FREM1: variants seen among roughly 807,000 people sequenced by gnomAD.
FREM1 encodes the protein FRAS1-related extracellular matrix protein 1.
In FREM1, 220 loss-of-function variants were observed where a neutral mutation model predicts 210.1. The observed-to-expected ratio is 1.05, with a 90% confidence interval of 0.94 to 1.17. The LOEUF (loss-of-function observed/expected upper bound fraction) is 1.17, where lower values mean the gene tolerates loss of function less well. Among genes scored for constraint, FREM1 ranks in the 50% most tolerant of loss-of-function variants. The pLI is 0.00. For synonymous variants in FREM1, 1,189 were observed against 980.2 expected, an observed-to-expected ratio of 1.21 and a Z score of -3.98; for missense variants, 3,454 against 2,675.5, an observed-to-expected ratio of 1.29 and a Z score of -6.42.
chr9:14,747,591 G>GTA, intron 32 of FREM1, 90 bp downstream of exon 32: 1 of 1,019,468 alleles, frequency 9.8e-7, no homozygotes, highest in Non-Finnish European at 1.4e-6. Flanking sequence ...TAAGAGAAAT[G>GTA]TATAAATATA....
At chr9:14,851,165 G>A (rs1313841171) in intron 6 of FREM1, 119 bp downstream of exon 6, 12 of 756,954 alleles carry the variant, frequency 1.6e-5, no homozygotes, top group African/African-American at 7.0e-5. Context: ...CTGATTTACA[G>A]TGATTGATTC....
intron 6 of FREM1, among the ~76,000 whole-genome samples, chr9:14,850,871 T>G (rs1404902335): frequency 6.6e-6 from 1 of 152,220 alleles, no homozygotes; most frequent in African/African-American, 2.4e-5. Flanking sequence ...TCAGAAATAT[T>G]TGGTAGCTAG....
At chr9:14,766,566 G>A (rs1587819267) in intron 27 of FREM1, among the ~76,000 whole-genome samples, 1 of 152,126 alleles carries the variant, frequency 6.6e-6, no homozygotes, top group African/African-American at 2.4e-5. Context: ...ATTTCCTAAT[G>A]CTTTTTAGAG....
chr9:14,883,278 A>G (rs1269362951), intron 1 of FREM1, among the ~76,000 whole-genome samples: 1 of 152,244 alleles, frequency 6.6e-6, no homozygotes, highest in African/African-American at 2.4e-5. Context: ...GAAAAGTACA[A>G]GAGTAACAAT....
At chr9:14,888,555 T>C (rs1333051874) in intron 1 of FREM1, among the ~76,000 whole-genome samples, 1 of 152,218 alleles carries the variant, frequency 6.6e-6, no homozygotes, top group East Asian at 1.9e-4. Flanking sequence ...AGAGATACCC[T>C]GTCTACCAGC....
chr9:14,788,868 A>T, intron 23 of FREM1, 51 bp downstream of exon 23: 1 of 1,434,098 alleles, frequency 7.0e-7, no homozygotes, highest in Non-Finnish European at 9.6e-7. Flanking sequence ...TGGAATACTT[A>T]TACCAGTTAG....
chr9:14,743,121 G>A (rs796702069), intron 35 of FREM1, among the ~76,000 whole-genome samples: 1 of 152,100 alleles, frequency 6.6e-6, no homozygotes, highest in African/African-American at 2.4e-5. Context: ...TAGAACTACA[G>A]TCAGGCTAAT....
rs747949003 is a variant in FREM1 at position 14,868,992 on chromosome 9, A to G, written c.-15T>C. The G allele has an allele frequency of 5.9e-6, 9 of 1,520,600 alleles. No individual in the cohort carries two copies. The highest frequency in any genetic ancestry group is 7.1e-6 in the Non-Finnish European group (8 of 1,127,108). The allele number at this position is 1,520,600 out of a possible 1,614,324, so 94.2% of individuals were successfully genotyped here. On this transcript the variant is annotated 5_prime_UTR_variant, in exon 2 of 37. Transcript: ENST00000380880. The stretch of plus-strand genomic sequence containing the variant: ...AGAGAGTTCATGCTGACAGGGCCCA[A>G]CTCTTCTCTGTCCACCGGCGAAATC...
rs779492052 is a variant in FREM1 at position 14,812,925 on chromosome 9, A to C, written c.2780T>G (p.Met927Arg). ...TDVDSDNLKLMFVIAREPQHG... is the reference protein window; with the variant it reads ...TDVDSDNLKLRFVIAREPQHG... Reference sequence around the variant, plus strand: ...CTGAGGTTCGCGAGCAATCACAAACATCAACTTCAAGTTATCGCTGTCCAC... The same window carrying C: ...CTGAGGTTCGCGAGCAATCACAAACCTCAACTTCAAGTTATCGCTGTCCAC... Residue 927 changes from methionine (M) to arginine (R), a missense_variant, in exon 16 of 37, where the codon ATG (methionine) becomes AGG (arginine). Coordinates refer to ENST00000380880, the MANE Select transcript of FREM1 (RefSeq NM_001379081.2). 1.2e-6 allele frequency: 2 copies of C among 1,613,972 alleles called. No individual in the cohort carries two copies. Among genetic ancestry groups the C allele is most frequent in the East Asian group, 4.5e-5 (2 of 44,878 alleles).
chr9:14,740,533 T>C (rs572441336), intron 35 of FREM1, among the ~76,000 whole-genome samples: 11 of 152,330 alleles, frequency 7.2e-5, no homozygotes, highest in African/African-American at 2.6e-4. Context: ...AGCAACTGCC[T>C]ACTTATAACA....
At chr9:14,839,658 T>A (rs1209881652) in intron 10 of FREM1, among the ~76,000 whole-genome samples, 1 of 152,184 alleles carries the variant, frequency 6.6e-6, no homozygotes, top group Non-Finnish European at 1.5e-5. Flanking sequence ...TGCACTAAAG[T>A]TTTCATTACA....
At position 14,852,054 on chromosome 9, in the gene FREM1, T is replaced by C. The variant is rs569572431; in HGVS notation, c.829-447A>G. ...AAGAATTAAGTGAGGACAAATGAAA[T>C]AGCCAAAGTAGGCACTTAGCAATCT... On this transcript the variant is annotated intron_variant, in intron 5 of 36. Transcript: ENST00000380880. Among the ~76,000 whole-genome samples the C allele has an allele frequency of 1.3e-3, 205 of 152,270 alleles. 2 individuals carry two copies. Among genetic ancestry groups the C allele is most frequent in the Admixed American group, 3.9e-3 (59 of 15,290 alleles).
At chr9:14,891,107 T>C (rs1836749025) in intron 1 of FREM1, among the ~76,000 whole-genome samples, 1 of 152,230 alleles carries the variant, frequency 6.6e-6, no homozygotes, top group Non-Finnish European at 1.5e-5. Flanking sequence ...AAATTAATTT[T>C]CCTCTTCTTG....
Position 14,792,865 on chromosome 9 carries a change from T to G in FREM1, c.3859A>C (p.Asn1287His). ...GAAATAATACGAGTTTCACCCATATTCATTGCAATTTCAGCCTTCCTGTAA... is the reference window on the plus strand; with the variant it reads ...GAAATAATACGAGTTTCACCCATATGCATTGCAATTTCAGCCTTCCTGTAA... ...MLSKKAEIAM[N>H]MGETRIISSA... Residue 1287 changes from asparagine (N) to histidine (H), a missense_variant, in exon 22 of 37, where the codon AAT becomes CAT. Transcript: ENST00000380880. The G allele has an allele frequency of 5.0e-6, 8 of 1,584,864 alleles. No homozygotes were observed. The highest frequency in any genetic ancestry group is 6.9e-6 in the Non-Finnish European group (8 of 1,164,908).
At chr9:14,803,275 C>T (rs1158741347) in intron 19 of FREM1, among the ~76,000 whole-genome samples, 1 of 143,282 alleles carries the variant, frequency 7.0e-6, no homozygotes, top group Non-Finnish European at 1.5e-5. Flanking sequence ...CTTTCCCTCC[C>T]TCCCTTTTTT....
chr9:14,863,772 C>G, intron 3 of FREM1, 37 bp downstream of exon 3: 2 of 1,279,254 alleles, frequency 1.6e-6, no homozygotes, highest in South Asian at 1.2e-5. Flanking sequence ...AGAATGGTTA[C>G]TTGGCAGCAA....
intron 1 of FREM1, among the ~76,000 whole-genome samples, chr9:14,872,974 T>C (rs1210828419): frequency 6.6e-6 from 1 of 150,580 alleles, no homozygotes; most frequent in Non-Finnish European, 1.5e-5. Context: ...ATTACATTTA[T>C]TGATTTGCGT....
At chr9:14,743,178 AATCTT>A (rs1205494518) in intron 35 of FREM1, among the ~76,000 whole-genome samples, 1 of 152,120 alleles carries the variant, frequency 6.6e-6, no homozygotes, top group Non-Finnish European at 1.5e-5. Flanking sequence ...CTGCAGATGA[AATCTT>A]AGATTAAGTG....
At chr9:14,746,227 A>T in intron 35 of FREM1, 126 bp downstream of exon 35, 1 of 661,126 alleles carries the variant, frequency 1.5e-6, no homozygotes, top group Non-Finnish European at 2.6e-6. Context: ...GGCTCCTAAA[A>T]CAAAGCCAGG....
Sources: allele counts gnomAD v4.1 joint callset (sites outside exome capture counted in the v4.1 genomes callset), GRCh38; gene constraint gnomAD v4.1.1; transcripts MANE v1.5; gene names NCBI Gene and HGNC (gene_info 2026-07-23, HGNC 2026-07-21).